The following CAST variants were observed in gnomAD, a reference collection of about 807,000 sequenced individuals.
The protein encoded by CAST is MIR583 host.
Under a neutral mutation model 119.6 loss-of-function variants are expected in CAST, and 76 were observed. The ratio of observed to expected loss-of-function variants is 0.64; its 90% CI spans 0.53 to 0.77. The LOEUF (loss-of-function observed/expected upper bound fraction) is 0.77. Among genes scored for constraint, CAST ranks in the 30% least tolerant of loss-of-function variants. The pLI, the probability that CAST is intolerant of heterozygous loss-of-function variation, is 0.00. For missense variants in CAST, 953 were observed against 946.5 expected (o/e 1.01, Z -0.09); for synonymous variants, 319 against 331.6 (o/e 0.96, Z 0.41).
the CAST span, among the ~76,000 whole-genome samples, chr5:96,154,636 C>G: frequency 6.6e-6 from 1 of 152,154 alleles, no homozygotes; most frequent in Non-Finnish European, 1.5e-5. Flanking sequence ...TGCCGCATCC[C>G]CATAGATTCC....
the CAST span, among the ~76,000 whole-genome samples, chr5:96,333,149 G>C: frequency 6.6e-6 from 1 of 151,956 alleles, no homozygotes. Flanking sequence ...CCACTTCTCG[G>C]TGTGAAGCGG....
chr5:96,112,332 A>G, the CAST span, among the ~76,000 whole-genome samples: 2,870 of 152,280 alleles, frequency 0.019, 97 homozygotes, highest in African/African-American at 0.067. Context: ...CCAGCCTTGT[A>G]AACTGGAACC....
chr5:96,042,346 G>T, the CAST span, among the ~76,000 whole-genome samples: 1 of 152,112 alleles, frequency 6.6e-6, no homozygotes, highest in Non-Finnish European at 1.5e-5. Context: ...AATGGAAAAA[G>T]TTCCCAAATG....
At chr5:96,234,701 T>C in the CAST span, among the ~76,000 whole-genome samples, 3 of 152,192 alleles carry the variant, frequency 2.0e-5, no homozygotes, top group Non-Finnish European at 1.5e-5. Flanking sequence ...AGACAAGTTT[T>C]CTCTTTTTCC....
the CAST span, among the ~76,000 whole-genome samples, chr5:96,049,889 C>CAAAAAAAAAAAAAAAAAAAAAAAAA: frequency 5.0e-4 from 17 of 34,192 alleles, 1 homozygote; most frequent in South Asian, 2.1e-3. Context: ...GAACAGGAGG[C>CAAAAAAAAAAAAAAAAAAAAAAAAA]AAAAAAAAAA....
At chr5:96,297,083 A>C in the CAST span, among the ~76,000 whole-genome samples, 1 of 152,202 alleles carries the variant, frequency 6.6e-6, no homozygotes, top group Admixed American at 6.5e-5. Context: ...TTCTCTTAGA[A>C]AGATTTTAAT....
At chr5:96,278,791 T>C in the CAST span, 2 of 152,218 alleles carry the variant, frequency 1.3e-5, no homozygotes, top group Non-Finnish European at 2.9e-5. Context: ...TGTATGCACA[T>C]GCATTCATAT....
chr5:95,982,886 A>AT, the CAST span, among the ~76,000 whole-genome samples: 4 of 152,176 alleles, frequency 2.6e-5, no homozygotes, highest in Non-Finnish European at 4.4e-5. Context: ...TGCCCAAGAT[A>AT]TTTTTTACAA....
the CAST span, chr5:96,210,303 A>C: frequency 6.6e-6 from 1 of 152,022 alleles, no homozygotes; most frequent in Non-Finnish European, 1.5e-5. Context: ...AATGCAAAAC[A>C]GTTTTGCAAA....
intron 1 of CAST, among the ~76,000 whole-genome samples, chr5:96,619,976 A>T (rs960179902): frequency 1.3e-5 from 2 of 152,234 alleles, no homozygotes; most frequent in African/African-American, 2.4e-5. Flanking sequence ...CTTCTGTAAA[A>T]TAAAGACAAC....
the CAST span, among the ~76,000 whole-genome samples, chr5:96,414,110 G>T: frequency 6.7e-6 from 1 of 149,460 alleles, no homozygotes; most frequent in African/African-American, 2.5e-5. Flanking sequence ...CTGCACTCCA[G>T]CCTGGGCGAC....
At chr5:96,135,954 G>A in the CAST span, among the ~76,000 whole-genome samples, 49,677 of 151,808 alleles carry the variant, frequency 0.33, 8,345 homozygotes, top group Middle Eastern at 0.38. Flanking sequence ...CCAGCTACTC[G>A]GGAGACTGAG....
chr5:96,444,601 C>T, the CAST span, among the ~76,000 whole-genome samples: 1 of 151,916 alleles, frequency 6.6e-6, no homozygotes, highest in Non-Finnish European at 1.5e-5. Flanking sequence ...ATTATTTTCT[C>T]CATCATATTG....
chr5:96,469,898 A>G, the CAST span, among the ~76,000 whole-genome samples: 4 of 137,148 alleles, frequency 2.9e-5, no homozygotes, highest in African/African-American at 1.0e-4. Flanking sequence ...ATACACACAC[A>G]TATATATAAT....
chr5:96,223,942 G>C, the CAST span, among the ~76,000 whole-genome samples: 2 of 152,080 alleles, frequency 1.3e-5, no homozygotes, highest in African/African-American at 2.4e-5. Context: ...ACTGATATTA[G>C]GTACAGAAAG....
At chr5:96,434,683 GAAGA>G in the CAST span, among the ~76,000 whole-genome samples, 1 of 151,760 alleles carries the variant, frequency 6.6e-6, no homozygotes, top group East Asian at 1.9e-4. Flanking sequence ...TGTAGAAATA[GAAGA>G]AAGGGGAGAA....
At chr5:96,568,539 T>C (rs1021672261) in intron 1 of CAST, among the ~76,000 whole-genome samples, 4 of 118,170 alleles carry the variant, frequency 3.4e-5, no homozygotes, top group African/African-American at 1.4e-4. Flanking sequence ...CACTCCAGCC[T>C]GGGCGACAGA....
rs777733239 is a variant in CAST at position 96,675,564 on chromosome 5, C to T, written c.101C>T (p.Ser34Leu). 7.4e-6 allele frequency: 12 copies of T among 1,613,108 alleles called. No homozygotes were observed. Among genetic ancestry groups the T allele is most frequent in the African/African-American group, 6.7e-5 (5 of 74,900 alleles). ...CATGTCAGTGAAAAAACCAGTGAATCGCCTTCCAAACCAGGAGAAAAGAAA... is the reference window on the plus strand; with the variant it reads ...CATGTCAGTGAAAAAACCAGTGAATTGCCTTCCAAACCAGGAGAAAAGAAA... ...HEHVSEKTSE[S>L]PSKPGEKKGS... is the part of the protein sequence containing the mutation. Residue 34 changes from serine to leucine, a missense_variant, in exon 2 of 32, where the codon TCG (serine) becomes TTG (leucine). Ser to Leu is a moderately radical substitution (Grantham distance 145). Coordinates refer to ENST00000675179, the MANE Select transcript of CAST (RefSeq NM_001750.7).
chr5:96,168,389 G>C, the CAST span, among the ~76,000 whole-genome samples: 2 of 152,182 alleles, frequency 1.3e-5, no homozygotes, highest in Non-Finnish European at 2.9e-5. Flanking sequence ...TGTGTAGTGA[G>C]GAAACCTCTT....
Sources: gnomAD v4.1 joint callset for allele counts (sites outside exome capture counted in the v4.1 genomes callset) on GRCh38, gnomAD v4.1.1 for gene constraint, MANE v1.5 for transcripts, NCBI Gene and HGNC (gene_info 2026-07-23, HGNC 2026-07-21) for gene names.